RSBN1L: variants seen among roughly 807,000 people sequenced by gnomAD.
RSBN1L encodes the protein lysine-specific demethylase RSBN1L.
A neutral mutation model predicts 67.7 loss-of-function variants in RSBN1L; 30 were observed. The observed-to-expected ratio is 0.44, with a 90% CI of 0.33 to 0.60. The LOEUF is 0.60. Among genes scored for constraint, RSBN1L ranks in the 20% least tolerant of loss-of-function variants. The pLI is 0.02. For missense variants in RSBN1L, 992 were observed against 1,031.7 expected (o/e 0.96, Z 0.53); for synonymous variants, 433 against 387.0 (o/e 1.12, Z -1.39).
At chr7:77,757,966 T>C (rs1425207637) in intron 3 of RSBN1L, among the ~76,000 whole-genome samples, 4 of 151,172 alleles carry the variant, frequency 2.6e-5, no homozygotes, top group Non-Finnish European at 5.9e-5. Flanking sequence ...TTTATTCATT[T>C]TACTTTAATT....
chr7:77,702,938 C>T (rs1248500045), intron 1 of RSBN1L, among the ~76,000 whole-genome samples: 1 of 152,016 alleles, frequency 6.6e-6, no homozygotes, highest in South Asian at 2.1e-4. Flanking sequence ...TAGTTACCTC[C>T]GAAAAGCCTT....
chr7:77,711,533 G>C (rs898657388), intron 1 of RSBN1L, among the ~76,000 whole-genome samples: 5 of 151,934 alleles, frequency 3.3e-5, no homozygotes, highest in Non-Finnish European at 5.9e-5. Flanking sequence ...CATAGATATG[G>C]CTTCTTGCTG....
chr7:77,737,684 A>G (rs1377383366), intron 2 of RSBN1L, among the ~76,000 whole-genome samples: 2 of 152,192 alleles, frequency 1.3e-5, no homozygotes, highest in Non-Finnish European at 2.9e-5. Flanking sequence ...GGAATTGAAT[A>G]TAACCACACT....
At position 77,696,488 on chromosome 7, in the gene RSBN1L, C is replaced by G. The variant is rs761690138; in HGVS notation, c.19C>G (p.Pro7Ala). The change falls in exon 1 of 8, where the codon CCC becomes GCC. Residue 7 changes from proline (P) to alanine (A), a missense_variant. Coordinates refer to ENST00000334955, the MANE Select transcript of RSBN1L (RefSeq NM_198467.3). ...GCGCAAAATGGCGGAACCGCCGAGC[C>G]CCGTGCACTGTGTCGCTGCCGCGGC... MAEPPS[P>A]VHCVAAAAPT... 5.0e-6 allele frequency: 8 copies of G among 1,612,646 alleles called. No homozygotes were observed. In the Admixed American group the frequency reaches 6.7e-5, roughly 13 times the overall value.
chr7:77,761,800 G>T (rs906225010), intron 3 of RSBN1L, among the ~76,000 whole-genome samples: 1 of 151,974 alleles, frequency 6.6e-6, no homozygotes, highest in Non-Finnish European at 1.5e-5. Context: ...TATAGTTAAA[G>T]GTTATATTAC....
At position 77,779,107 on chromosome 7, in the gene RSBN1L, C is replaced by G; in HGVS notation, c.2480C>G (p.Thr827Arg). Residue 827 changes from threonine (T) to arginine (R), a missense_variant, in exon 8 of 8, where the codon ACA becomes AGA. By Grantham distance (71) the Thr-to-Arg change is moderately conservative. This residue lies in a region of RSBN1L where 199 missense variants were observed against 167.7 expected (regional missense o/e 1.19). Coordinates refer to ENST00000334955, the MANE Select transcript of RSBN1L (RefSeq NM_198467.3). ...LCPGNLSLVD[T>R]RQHSSAHSNQ... ...CCTGGAAATCTAAGTCTAGTTGATA[C>G]AAGGCAACACAGTTCAGCACATTCA... 6.2e-7 allele frequency: 1 copy of G among 1,613,292 alleles called. No individual in the cohort carries two copies. The highest frequency in any genetic ancestry group is 8.5e-7 in the Non-Finnish European group (1 of 1,179,448).
chr7:77,717,693 G>A (rs1398986112), intron 1 of RSBN1L, among the ~76,000 whole-genome samples: 1 of 152,098 alleles, frequency 6.6e-6, no homozygotes, highest in Non-Finnish European at 1.5e-5. Context: ...GTGGTGTGGA[G>A]TGAGGGCAGG....
intron 6 of RSBN1L, among the ~76,000 whole-genome samples, chr7:77,775,037 T>C (rs1226117065): frequency 6.6e-6 from 1 of 152,134 alleles, no homozygotes; most frequent in African/African-American, 2.4e-5. Context: ...AATATTTATT[T>C]ATTTTTACAT....
intron 2 of RSBN1L, among the ~76,000 whole-genome samples, chr7:77,744,923 TTTG>T (rs2150424083): frequency 6.6e-6 from 1 of 152,344 alleles, no homozygotes; most frequent in East Asian, 1.9e-4. Context: ...TAAAATAGTT[TTTG>T]TTGTTTTCAG....
chr7:77,725,258 T>A (rs1791183889), intron 1 of RSBN1L, among the ~76,000 whole-genome samples: 1 of 138,064 alleles, frequency 7.2e-6, no homozygotes, highest in African/African-American at 2.8e-5. Context: ...TTTTTTTTTT[T>A]TTTTTTTGAG....
chr7:77,739,737 GTCTTTTTTT>G (rs1562801657), intron 2 of RSBN1L, among the ~76,000 whole-genome samples: 1 of 61,192 alleles, frequency 1.6e-5, no homozygotes, highest in African/African-American at 7.1e-5. Flanking sequence ...AAAAAAATGT[GTCTTTTTTT>G]TTTTTTTTTT....
At chr7:77,735,181 A>AT (rs1253650037) in intron 1 of RSBN1L, among the ~76,000 whole-genome samples, 2 of 152,162 alleles carry the variant, frequency 1.3e-5, no homozygotes, top group East Asian at 3.8e-4. Context: ...TTGAAAATTT[A>AT]TTTAAGTAGT....
chr7:77,728,009 G>A (rs966680758), intron 1 of RSBN1L, among the ~76,000 whole-genome samples: 1 of 152,034 alleles, frequency 6.6e-6, no homozygotes, highest in African/African-American at 2.4e-5. Flanking sequence ...GAGAAAATTT[G>A]TCAGGTCCCC....
chr7:77,749,613 A>G lies in RSBN1L; in HGVS notation c.893A>G (p.Asp298Gly). The G allele has an allele frequency of 1.2e-6, 2 of 1,613,902 alleles. No homozygotes were observed. The highest frequency in any genetic ancestry group is 1.7e-6 in the Non-Finnish European group (2 of 1,179,876). ...EDQAAKGILN[D>G]NIKDYVGKNL... is the part of the protein sequence containing the mutation. Reference sequence around the variant, plus strand: ...CAAGCAGCCAAAGGCATCCTAAATGATAACATAAAAGATTACGTTGGGAAG... The same window carrying G: ...CAAGCAGCCAAAGGCATCCTAAATGGTAACATAAAAGATTACGTTGGGAAG... The change falls in exon 3 of 8, where the codon GAT becomes GGT. Residue 298 changes from aspartate to glycine, a missense_variant. Transcript: ENST00000334955.
intron 1 of RSBN1L, among the ~76,000 whole-genome samples, chr7:77,708,626 C>T (rs1388219638): frequency 6.6e-6 from 1 of 151,858 alleles, no homozygotes; most frequent in African/African-American, 2.4e-5. Flanking sequence ...TTGTGATCCA[C>T]CCGCCTCGAC....
At chr7:77,739,712 A>G (rs1484187489) in intron 2 of RSBN1L, among the ~76,000 whole-genome samples, 31 of 40,456 alleles carry the variant, frequency 7.7e-4, no homozygotes, top group Admixed American at 3.8e-3. Context: ...TGGTCTCAGG[A>G]AAAAAAAAAA....
At position 77,747,912 on chromosome 7, in the gene RSBN1L, G is replaced by T. The variant is rs966655738; in HGVS notation, c.704-1512G>T. 6.8e-5 allele frequency among the ~76,000 whole-genome samples: 10 copies of T among 147,876 alleles called. No homozygotes were observed. The East Asian group carries it at 2.0e-3, about 29-fold the overall frequency. On this transcript the variant is annotated intron_variant, in intron 2 of 7. Coordinates refer to ENST00000334955, the MANE Select transcript of RSBN1L (RefSeq NM_198467.3). ...GATGCTGGCATCTGCTCAGCTTCTC[G>T]GGGGGGAGCTCAGGAAACTTTCAGT...
chr7:77,702,766 A>G (rs1419286818), intron 1 of RSBN1L, among the ~76,000 whole-genome samples: 2 of 152,166 alleles, frequency 1.3e-5, no homozygotes, highest in Non-Finnish European at 2.9e-5. Context: ...CATCATGGCC[A>G]GGTTCTGGTA....
intron 1 of RSBN1L, among the ~76,000 whole-genome samples, chr7:77,700,267 G>A (rs1790797957): frequency 6.6e-6 from 1 of 152,110 alleles, no homozygotes; most frequent in African/African-American, 2.4e-5. Flanking sequence ...ATTATTTTAT[G>A]GCAAACCACA....
Sources: allele counts gnomAD v4.1 joint callset (sites outside exome capture counted in the v4.1 genomes callset), GRCh38; gene constraint gnomAD v4.1.1; regional missense constraint gnomAD v4.1.1; transcripts MANE v1.5; gene names NCBI Gene and HGNC (gene_info 2026-07-23, HGNC 2026-07-21).